PRKN: variants seen among roughly 807,000 people sequenced by gnomAD.
The protein encoded by PRKN is parkin RBR E3 ubiquitin protein ligase, also known as E3 ubiquitin-protein ligase parkin.
A neutral mutation model predicts 59.5 loss-of-function variants in PRKN; 56 were observed. The observed-to-expected ratio is 0.94, with a 90% CI of 0.76 to 1.18. The LOEUF (loss-of-function observed/expected upper bound fraction) is 1.18. Ranked by LOEUF, PRKN falls within the 50% of genes most tolerant of loss-of-function variation. PRKN has a pLI of 0.00. For missense variants in PRKN, 657 were observed against 596.4 expected (o/e 1.10, Z -1.06); for synonymous variants, 250 against 222.1 (o/e 1.13, Z -1.12).
At chr6:162,366,808 A>G (rs780496719) in intron 2 of PRKN, among the ~76,000 whole-genome samples, 1 of 152,130 alleles carries the variant, frequency 6.6e-6, no homozygotes, top group African/African-American at 2.4e-5. Context: ...CTGAGACAGG[A>G]GAATAGCTTG....
chr6:162,125,249 C>A (rs1280943234), intron 4 of PRKN, among the ~76,000 whole-genome samples: 1 of 152,158 alleles, frequency 6.6e-6, no homozygotes, highest in Non-Finnish European at 1.5e-5. Flanking sequence ...AGAATCCAGC[C>A]CCGGAGCTCC....
chr6:161,886,569 G>T (rs1795154909), intron 6 of PRKN, among the ~76,000 whole-genome samples: 1 of 151,994 alleles, frequency 6.6e-6, no homozygotes, highest in African/African-American at 2.4e-5. Flanking sequence ...GGTGGCACGT[G>T]CCTATAATCC....
At chr6:162,515,084 C>CT (rs11394289) in intron 1 of PRKN, among the ~76,000 whole-genome samples, 53,344 of 140,286 alleles carry the variant, frequency 0.38, 10,370 homozygotes, top group South Asian at 0.56. Flanking sequence ...ACTATTTTTA[C>CT]TTTTTTTTTT....
chr6:161,698,232 C>A (rs999267564), intron 7 of PRKN, among the ~76,000 whole-genome samples: 3 of 152,104 alleles, frequency 2.0e-5, no homozygotes, highest in Non-Finnish European at 2.9e-5. Flanking sequence ...AATATGCAGA[C>A]AGGCTACATG....
At chr6:161,757,565 C>G (rs1162403679) in intron 7 of PRKN, among the ~76,000 whole-genome samples, 1 of 152,042 alleles carries the variant, frequency 6.6e-6, no homozygotes, top group African/African-American at 2.4e-5. Context: ...AGGCCAGGCG[C>G]AGTGGCTTAT....
At chr6:162,073,104 T>C (rs931502921) in intron 4 of PRKN, among the ~76,000 whole-genome samples, 1 of 152,180 alleles carries the variant, frequency 6.6e-6, no homozygotes, top group Non-Finnish European at 1.5e-5. Flanking sequence ...AGCTAATTAA[T>C]GTGAAAACCA....
chr6:162,420,336 A>G (rs1788896876), intron 2 of PRKN, among the ~76,000 whole-genome samples: 1 of 152,140 alleles, frequency 6.6e-6, no homozygotes, highest in Non-Finnish European at 1.5e-5. Context: ...TTAGGCACAA[A>G]TTTAATCACA....
intron 4 of PRKN, among the ~76,000 whole-genome samples, chr6:162,078,866 A>C (rs1778941490): frequency 1.1e-5 from 1 of 89,506 alleles, no homozygotes; most frequent in Admixed American, 1.5e-4. Context: ...ATACTTAATA[A>C]TTAATACTTA....
At chr6:162,509,035 A>G (rs1209905019) in intron 1 of PRKN, among the ~76,000 whole-genome samples, 1 of 152,176 alleles carries the variant, frequency 6.6e-6, no homozygotes, top group Non-Finnish European at 1.5e-5. Context: ...AGGAAACACC[A>G]CTGACCTCAG....
intron 6 of PRKN, among the ~76,000 whole-genome samples, chr6:161,891,155 C>G (rs1217299790): frequency 6.6e-6 from 1 of 152,132 alleles, no homozygotes; most frequent in Non-Finnish European, 1.5e-5. Flanking sequence ...AGAACTTGGC[C>G]GTGTTTAAAA....
At chr6:162,215,327 G>T (rs910847247) in intron 3 of PRKN, among the ~76,000 whole-genome samples, 1 of 152,022 alleles carries the variant, frequency 6.6e-6, no homozygotes, top group Non-Finnish European at 1.5e-5. Context: ...CTAATGGTGT[G>T]GTATAAAAAA....
intron 1 of PRKN, among the ~76,000 whole-genome samples, chr6:162,543,939 C>T (rs1413047122): frequency 2.0e-5 from 3 of 152,158 alleles, no homozygotes; most frequent in Non-Finnish European, 4.4e-5. Flanking sequence ...ACTATGAAAC[C>T]TTTACTTTCA....
chr6:161,783,183 C>T (rs548161130), intron 7 of PRKN, among the ~76,000 whole-genome samples: 86 of 151,862 alleles, frequency 5.7e-4, no homozygotes, highest in Non-Finnish European at 1.1e-3. Context: ...GTGAAAGAAA[C>T]AACAGTTGTA....
intron 6 of PRKN, among the ~76,000 whole-genome samples, chr6:161,793,719 C>T (rs567127479): frequency 6.6e-6 from 1 of 152,120 alleles, no homozygotes; most frequent in Admixed American, 6.5e-5. Context: ...CCCAAGATAG[C>T]TCATGGCTCA....
intron 1 of PRKN, among the ~76,000 whole-genome samples, chr6:162,501,229 G>C (rs1255537450): frequency 6.6e-6 from 1 of 152,092 alleles, no homozygotes; most frequent in African/African-American, 2.4e-5. Context: ...TTCTAAACTA[G>C]TGGAGTTTGG....
In PRKN at chr6:161,499,699, C is replaced by T. The variant is rs1777885476; in HGVS notation, c.1083+49155G>A. 6.6e-6 allele frequency among the ~76,000 whole-genome samples: 1 copy of T among 152,176 alleles called. No individual in the cohort carries two copies. The highest frequency in any genetic ancestry group is 2.4e-5 in the African/African-American group (1 of 41,442). Reference sequence around the variant, plus strand: ...TGCATTTTCCATAAGTAACCCTTTCCCTTGACAATTCTTAGGCACAATTAA... The same window carrying T: ...TGCATTTTCCATAAGTAACCCTTTCTCTTGACAATTCTTAGGCACAATTAA... On this transcript the variant is annotated intron_variant, in intron 9 of 11. Transcript: ENST00000366898. The surrounding 1 kb of genome is among the most constrained non-coding windows in gnomAD (Gnocchi z 4.2).
chr6:161,968,789 G>T (rs564985630), intron 6 of PRKN, among the ~76,000 whole-genome samples: 4 of 151,864 alleles, frequency 2.6e-5, no homozygotes. Context: ...TTAAAATAAA[G>T]ACCAAAGCAA....
intron 6 of PRKN, among the ~76,000 whole-genome samples, chr6:161,845,883 C>T (rs1793177838): frequency 6.6e-6 from 1 of 152,310 alleles, no homozygotes; most frequent in South Asian, 2.1e-4. Flanking sequence ...TGGGCAGCAC[C>T]TGTCAATCCG....
chr6:161,617,612 G>A (rs190414908), intron 7 of PRKN, among the ~76,000 whole-genome samples: 1 of 152,306 alleles, frequency 6.6e-6, no homozygotes, highest in East Asian at 1.9e-4. Context: ...AGAGTTTTCA[G>A]GGAGGAATAT....
Sources: allele counts gnomAD v4.1 joint callset (sites outside exome capture counted in the v4.1 genomes callset), GRCh38; gene constraint gnomAD v4.1.1; non-coding constraint Gnocchi (gnomAD v3.1); transcripts MANE v1.5; gene names NCBI Gene and HGNC (gene_info 2026-07-23, HGNC 2026-07-21).